Variants in LINGO2 observed in about 807,000 individuals in gnomAD.
LINGO2 encodes the protein leucine-rich repeat and immunoglobulin-like domain-containing nogo receptor-interacting protein 2.
In LINGO2, 14 loss-of-function variants were observed where a neutral mutation model predicts 30.6. The ratio of observed to expected loss-of-function variants is 0.46; its 90% CI spans 0.30 to 0.72. The LOEUF is 0.72. Among genes scored for constraint, LINGO2 ranks in the 30% least tolerant of loss-of-function variants. LINGO2 has a pLI of 0.07. For synonymous variants in LINGO2, 317 were observed against 288.5 expected, an observed-to-expected ratio of 1.10 and a Z score of -1.00; for missense variants, 729 against 751.7, an observed-to-expected ratio of 0.97 and a Z score of 0.35.
chr9:28,313,860 AG>A (rs1425709058), intron 3 of LINGO2, among the ~76,000 whole-genome samples: 1 of 152,196 alleles, frequency 6.6e-6, no homozygotes, highest in Non-Finnish European at 1.5e-5. Flanking sequence ...TCTTATTTGA[AG>A]AGGGCCTTTA....
chr9:28,420,383 T>C (rs934369051), intron 2 of LINGO2, among the ~76,000 whole-genome samples: 4 of 152,190 alleles, frequency 2.6e-5, no homozygotes, highest in East Asian at 1.9e-4. Flanking sequence ...CATGGTTATA[T>C]AGTTTTTAAT....
intron 4 of LINGO2, among the ~76,000 whole-genome samples, chr9:28,055,001 C>T (rs899514977): frequency 1.3e-5 from 2 of 151,422 alleles, no homozygotes; most frequent in African/African-American, 2.4e-5. Context: ...ATTTAATTTG[C>T]TTTCTGATTA....
the LINGO2 span, among the ~76,000 whole-genome samples, chr9:28,736,507 T>C: frequency 6.6e-6 from 1 of 152,086 alleles, no homozygotes; most frequent in Non-Finnish European, 1.5e-5. Context: ...AAAACATAAG[T>C]AGGCCGGGCG....
chr9:28,229,285 C>T (rs1821276281), intron 4 of LINGO2, among the ~76,000 whole-genome samples: 1 of 150,878 alleles, frequency 6.6e-6, no homozygotes, highest in South Asian at 2.1e-4. Context: ...GATAACCTTC[C>T]AAAATATTGA....
intron 1 of LINGO2, among the ~76,000 whole-genome samples, chr9:28,559,526 T>G (rs1321756124): frequency 9.2e-5 from 14 of 152,150 alleles, no homozygotes; most frequent in Non-Finnish European, 1.9e-4. Context: ...TCCAAGATCC[T>G]ACAGTACATG....
intron 4 of LINGO2, among the ~76,000 whole-genome samples, chr9:28,145,250 C>T (rs759412783): frequency 3.9e-5 from 6 of 152,200 alleles, no homozygotes; most frequent in Admixed American, 6.5e-5. Context: ...GGAAGGCAAG[C>T]GTTGCACATA....
chr9:29,061,993 T>C, the LINGO2 span, among the ~76,000 whole-genome samples: 1 of 152,086 alleles, frequency 6.6e-6, no homozygotes, highest in South Asian at 2.1e-4. Context: ...AACAATGTAA[T>C]TAAAATATGA....
intron 4 of LINGO2, among the ~76,000 whole-genome samples, chr9:28,255,564 T>G (rs1287730715): frequency 6.6e-6 from 1 of 152,120 alleles, no homozygotes; most frequent in African/African-American, 2.4e-5. Context: ...GCACTTGTAA[T>G]GCACTCAATC....
chr9:28,603,932 G>C (rs546491311), intron 1 of LINGO2, among the ~76,000 whole-genome samples: 1 of 151,972 alleles, frequency 6.6e-6, no homozygotes, highest in Non-Finnish European at 1.5e-5. Context: ...TAGGGCTTTG[G>C]TTTTGATAAA....
At chr9:28,375,425 CT>C (rs11366402) in intron 2 of LINGO2, among the ~76,000 whole-genome samples, 20,273 of 152,168 alleles carry the variant, frequency 0.13, 1,647 homozygotes, top group African/African-American at 0.22. Context: ...CCTGCAGGGC[CT>C]TGTTTAGCAC....
downstream of LINGO2, among the ~76,000 whole-genome samples, chr9:27,945,271 C>A (rs757980430): frequency 6.6e-6 from 1 of 151,988 alleles, no homozygotes; most frequent in Non-Finnish European, 1.5e-5. Context: ...GTGTTTGTAC[C>A]AGAGTAAAGT....
Position 28,527,688 on chromosome 9 carries a change from A to C in LINGO2, c.-364-51663T>G, listed in dbSNP as rs373966811. On this transcript the variant is annotated intron_variant, in intron 1 of 5. Transcript: ENST00000379992. The stretch of plus-strand genomic sequence containing the variant: ...TACCCCTGCTCTGTGCTCCCTTAAC[A>C]CTGTGTGCTTACCTCAGAGCACCAC... 2.6e-5 allele frequency among the ~76,000 whole-genome samples: 4 copies of C among 152,076 alleles called. No homozygotes were observed. In the East Asian group the frequency reaches 5.8e-4, roughly 22 times the overall value.
intron 4 of LINGO2, among the ~76,000 whole-genome samples, chr9:28,120,630 G>A (rs1302137042): frequency 1.3e-5 from 2 of 152,104 alleles, no homozygotes; most frequent in African/African-American, 4.8e-5. Context: ...TATCAGTTTG[G>A]TTTTTACTTG....
At chr9:28,506,477 C>CACACAG (rs1564250659) in intron 1 of LINGO2, among the ~76,000 whole-genome samples, 2 of 12,632 alleles carry the variant, frequency 1.6e-4, no homozygotes, top group Non-Finnish European at 3.2e-4. Flanking sequence ...CACACACACA[C>CACACAG]ACATACACAT....
At chr9:28,555,770 C>A (rs957545654) in intron 1 of LINGO2, among the ~76,000 whole-genome samples, 4 of 151,960 alleles carry the variant, frequency 2.6e-5, no homozygotes, top group Non-Finnish European at 2.9e-5. Flanking sequence ...CAAACTGAAT[C>A]CAGCAGCACA....
At chr9:28,757,071 G>T in the LINGO2 span, among the ~76,000 whole-genome samples, 1 of 151,958 alleles carries the variant, frequency 6.6e-6, no homozygotes, top group African/African-American at 2.4e-5. Context: ...TTTTTAAGGT[G>T]ACTTTTAGCT....
chr9:28,343,666 TC>T (rs1819451910), intron 3 of LINGO2, among the ~76,000 whole-genome samples: 1 of 152,170 alleles, frequency 6.6e-6, no homozygotes, highest in Admixed American at 6.6e-5. Flanking sequence ...TATTTAAGGA[TC>T]TTACTCAGGT....
At chr9:28,817,910 T>TC in the LINGO2 span, among the ~76,000 whole-genome samples, 1 of 152,226 alleles carries the variant, frequency 6.6e-6, no homozygotes, top group Non-Finnish European at 1.5e-5. Context: ...TTTATCTAGA[T>TC]AACTAGTTAT....
intron 4 of LINGO2, among the ~76,000 whole-genome samples, chr9:28,079,497 A>T (rs1323569779): frequency 6.6e-6 from 1 of 152,192 alleles, no homozygotes; most frequent in Non-Finnish European, 1.5e-5. Flanking sequence ...TATCGTTTGA[A>T]AGCTTATGCT....
Sources: gnomAD v4.1 joint callset for allele counts (sites outside exome capture counted in the v4.1 genomes callset) on GRCh38, gnomAD v4.1.1 for gene constraint, MANE v1.5 for transcripts, NCBI Gene and HGNC (gene_info 2026-07-23, HGNC 2026-07-21) for gene names.